Variants in SLC5A10 observed in about 807,000 individuals in gnomAD.
SLC5A10 encodes the protein sodium/mannose cotransporter SLC5A10.
Under a neutral mutation model 68.9 loss-of-function variants are expected in SLC5A10, and 55 were observed. The ratio of observed to expected loss-of-function variants is 0.80; its 90% CI spans 0.64 to 1.00. SLC5A10 has a LOEUF of 1.00. SLC5A10 is among the 50% of genes least tolerant of loss of function. SLC5A10 has a pLI of 0.00. For synonymous variants in SLC5A10, 344 were observed against 344.8 expected (o/e 1.00, Z 0.02); for missense variants, 732 against 819.3 (o/e 0.89, Z 1.30).
At chr17:18,951,255 T>C (rs1193987412), upstream of SLC5A10, among the ~76,000 whole-genome samples, 3 of 152,380 alleles carry the variant, frequency 2.0e-5, no homozygotes, top group Admixed American at 1.3e-4. Flanking sequence ...AGCGTCCCAC[T>C]CTGATGGAAT....
intron 13 of SLC5A10, 40 bp from the exon 14 acceptor site, chr17:19,020,115 A>AACCCCC: frequency 3.7e-6 from 1 of 272,736 alleles, no homozygotes; most frequent in Non-Finnish European, 6.6e-6. Flanking sequence ...CCACCCTGCC[A>AACCCCC]TCCCCCACCC....
intron 9 of SLC5A10, chr17:18,979,070 G>A (rs1194647043): frequency 1.7e-6 from 1 of 598,106 alleles, no homozygotes; most frequent in Non-Finnish European, 3.0e-6. Flanking sequence ...CAAATGACAG[G>A]GCACTGTGCT....
chr17:18,951,752 A>G (rs1044335799), upstream of SLC5A10: 33 of 161,636 alleles, frequency 2.0e-4, no homozygotes, highest in Non-Finnish European at 3.9e-4. Context: ...CCCGATGGCC[A>G]AGGGAGGACA....
At chr17:18,955,018 G>A (rs541446929) in intron 1 of SLC5A10, among the ~76,000 whole-genome samples, 4 of 151,234 alleles carry the variant, frequency 2.6e-5, no homozygotes, top group South Asian at 2.1e-4. Flanking sequence ...ACCGGAAGGC[G>A]GAGGTCGCAA....
Position 19,003,957 on chromosome 17 carries a change from C to T in SLC5A10, c.983-9453C>T, listed in dbSNP as rs1421094023. On this transcript the variant is annotated intron_variant, in intron 9 of 14. Coordinates refer to ENST00000395645, the MANE Select transcript of SLC5A10 (RefSeq NM_001042450.4). This position sits in a 1 kb window ranked among gnomAD's most constrained non-coding sequence, Gnocchi z 4.5. ...GCCTCCAGCGCCAGCCGCTGCTCCT[C>T]GCTGTAGAAGAACTCAGGCTTGGAC... 3 of 1,612,920 alleles carry T rather than the reference C, an allele frequency of 1.9e-6. No homozygotes were observed. Among genetic ancestry groups the T allele is most frequent in the East Asian group, 2.2e-5 (1 of 44,866 alleles).
intron 9 of SLC5A10, among the ~76,000 whole-genome samples, chr17:18,993,208 C>A (rs952153636): frequency 6.6e-6 from 1 of 152,172 alleles, no homozygotes; most frequent in Non-Finnish European, 1.5e-5. Flanking sequence ...CTCTCCCCGA[C>A]GCGTCCTGCC....
At chr17:18,982,639 G>A (rs186532604) in intron 9 of SLC5A10, among the ~76,000 whole-genome samples, 1 of 152,192 alleles carries the variant, frequency 6.6e-6, no homozygotes, top group Admixed American at 6.5e-5. Flanking sequence ...GCAAGGCAAG[G>A]TGGGGGCTCC....
At chr17:18,952,070 C>A, upstream of SLC5A10, 1 of 1,410,598 alleles carries the variant, frequency 7.1e-7, no homozygotes, top group South Asian at 1.4e-5. Context: ...GCCCTGCATG[C>A]AGCCACATCA....
At chr17:19,019,273 C>T (rs947036924) in intron 11 of SLC5A10, 150 bp from the exon 12 acceptor site, 5 of 927,900 alleles carry the variant, frequency 5.4e-6, no homozygotes, top group South Asian at 1.7e-5. Flanking sequence ...CTGGCCAGGT[C>T]ACTGGTGGTG....
intron 9 of SLC5A10, chr17:18,988,178 G>A (rs1004052708): frequency 1.1e-5 from 17 of 1,567,986 alleles, no homozygotes; most frequent in East Asian, 6.8e-5. Context: ...GCAGGTACTC[G>A]AAGTGTTTGT....
rs147798286 is a variant in SLC5A10, at chr17:19,013,466, G to A, written c.1039G>A (p.Gly347Ser). ...CCTGCGGGCCTGCGGGGCCGAGGTCGGCTGCTCCAACATCGCCTACCCCAA... is the reference window on the plus strand; with the variant it reads ...CCTGCGGGCCTGCGGGGCCGAGGTCAGCTGCTCCAACATCGCCTACCCCAA... ...ECLRACGAEV[G>S]CSNIAYPKLV... The change falls in exon 10 of 15, where the codon GGC (glycine) becomes AGC (serine). Residue 347 changes from glycine (G) to serine (S), a missense_variant. Gly to Ser is a moderately conservative substitution (Grantham distance 56, BLOSUM62 0). Transcript: ENST00000395645. 39 of 1,603,910 alleles carry A rather than the reference G, an allele frequency of 2.4e-5. No individual in the cohort carries two copies. Among genetic ancestry groups the A allele is most frequent in the South Asian group, 1.2e-4 (11 of 89,994 alleles).
chr17:18,969,501 C>A, intron 7 of SLC5A10, 79 bp downstream of exon 7: 1 of 1,356,414 alleles, frequency 7.4e-7, no homozygotes, highest in Non-Finnish European at 1.0e-6. Flanking sequence ...CGGCACTGTG[C>A]AGGATTCATG....
chr17:19,003,241 T>C lies in SLC5A10; in HGVS notation c.983-10169T>C, dbSNP rs1234493540. 6.6e-6 allele frequency among the ~76,000 whole-genome samples: 1 copy of C among 151,138 alleles called. No homozygotes were observed. The highest frequency in any genetic ancestry group is 1.5e-5 in the Non-Finnish European group (1 of 67,700). On this transcript the variant is annotated intron_variant, in intron 9 of 14. Coordinates refer to ENST00000395645, the MANE Select transcript of SLC5A10 (RefSeq NM_001042450.4). This position sits in a 1 kb window ranked among gnomAD's most constrained non-coding sequence, Gnocchi z 4.5. Reference sequence around the variant, plus strand: ...CACTCCACCCTATCTCGGTGCCTTCTTCTGGGGAACCAGAAACACCCTCCA... The same window carrying C: ...CACTCCACCCTATCTCGGTGCCTTCCTCTGGGGAACCAGAAACACCCTCCA...
At chr17:18,974,877 G>C (rs1006308139) in intron 8 of SLC5A10, among the ~76,000 whole-genome samples, 5 of 152,152 alleles carry the variant, frequency 3.3e-5, no homozygotes, top group African/African-American at 4.8e-5. Context: ...GCTGGGAGGT[G>C]GGGGTGAGCA....
In SLC5A10 at chr17:19,017,667, CCT is replaced by C. The variant is rs34535827; in HGVS notation, c.1242-1755_1242-1754del. On this transcript the variant is annotated intron_variant, in intron 11 of 14. Transcript: ENST00000395645. This position sits in a 1 kb window ranked among gnomAD's most constrained non-coding sequence, Gnocchi z 5.6. ...CCACTGCCCCCCTGCCCCACTCTCC[CCT>C]GTCTGTGTTCCCGGCTGTTCAGTCC... 1,519 of 441,978 alleles carry C rather than the reference CCT, an allele frequency of 3.4e-3. 53 individuals carry two copies. The East Asian group carries it at 0.055, about 16-fold the overall frequency. 27.4% of individuals were successfully genotyped at this position (441,978 alleles called of 1,614,324 possible).
intron 1 of SLC5A10, among the ~76,000 whole-genome samples, chr17:18,954,844 G>A (rs1016712920): frequency 7.9e-5 from 12 of 152,100 alleles, no homozygotes; most frequent in African/African-American, 2.4e-4. Flanking sequence ...AGGCCTAGGC[G>A]GGTGGATCAC....
chr17:18,982,358 G>A (rs912449968), intron 9 of SLC5A10, among the ~76,000 whole-genome samples: 2 of 152,226 alleles, frequency 1.3e-5, no homozygotes, highest in African/African-American at 4.8e-5. Context: ...ACGGGGCCTG[G>A]CCTGGATGAG....
intron 5 of SLC5A10, among the ~76,000 whole-genome samples, chr17:18,966,091 C>T (rs755671473): frequency 2.6e-5 from 4 of 152,164 alleles, no homozygotes; most frequent in African/African-American, 9.7e-5. Flanking sequence ...CAACCAGGGC[C>T]GTGAAGCACT....
chr17:18,976,506 G>A (rs1338831192), intron 8 of SLC5A10: 3 of 265,084 alleles, frequency 1.1e-5, no homozygotes, highest in Non-Finnish European at 2.2e-5. Context: ...CAGGAGATGA[G>A]GGTAGGGGTG....
Sources: gnomAD v4.1 joint callset for allele counts (sites outside exome capture counted in the v4.1 genomes callset) on GRCh38, gnomAD v4.1.1 for gene constraint, Gnocchi (gnomAD v3.1) non-coding constraint, MANE v1.5 for transcripts, NCBI Gene and HGNC (gene_info 2026-07-23, HGNC 2026-07-21) for gene names.